SLIT3: variants seen among roughly 807,000 people sequenced by gnomAD.
The protein encoded by SLIT3 is slit guidance ligand 3.
A neutral mutation model predicts 184.0 loss-of-function variants in SLIT3; 68 were observed. The observed-to-expected ratio is 0.37, with a 90% CI of 0.30 to 0.45. The LOEUF (loss-of-function observed/expected upper bound fraction) is 0.45. SLIT3 is among the 20% of genes least tolerant of loss of function. SLIT3 has a pLI of 1.00. For synonymous variants in SLIT3, 831 were observed against 828.6 expected, an observed-to-expected ratio of 1.00 and a Z score of -0.05; for missense variants, 1,707 against 2,026.0, an observed-to-expected ratio of 0.84 and a Z score of 3.02.
chr5:168,767,354 G>T (rs1465317608), intron 14 of SLIT3, among the ~76,000 whole-genome samples: 1 of 152,138 alleles, frequency 6.6e-6, no homozygotes, highest in African/African-American at 2.4e-5. Context: ...GAACAACACA[G>T]TCTTCTGGTT....
intron 4 of SLIT3, among the ~76,000 whole-genome samples, chr5:169,159,503 C>T (rs558759357): frequency 1.4e-4 from 21 of 149,314 alleles, no homozygotes; most frequent in East Asian, 6.1e-4. Context: ...AGGCCAGGCG[C>T]GGTAGCTCAC....
chr5:169,065,355 G>C (rs1417067538), intron 4 of SLIT3, among the ~76,000 whole-genome samples: 3 of 152,178 alleles, frequency 2.0e-5, no homozygotes, highest in African/African-American at 7.2e-5. Context: ...TTCCCCATTT[G>C]ATGCCAAATG....
In SLIT3 at chr5:169,118,198, AT is replaced by A. The variant is rs560997524; in HGVS notation, c.413+75280del. Among the ~76,000 whole-genome samples the A allele has an allele frequency of 3.9e-3, 594 of 152,320 alleles. 2 individuals are homozygous for A. Among genetic ancestry groups the A allele is most frequent in the African/African-American group, 0.013 (539 of 41,572 alleles). ...GTCTCTAAAGAAATTTGTTTAAATG[AT>A]TTTTTGAAATGTGCACATTTGCAAT... On this transcript the variant is annotated intron_variant, in intron 4 of 35. Transcript: ENST00000519560.
At chr5:168,701,368 T>G (rs1470389456) in intron 26 of SLIT3, among the ~76,000 whole-genome samples, 1 of 152,094 alleles carries the variant, frequency 6.6e-6, no homozygotes, top group African/African-American at 2.4e-5. Context: ...CAGGCTTTGG[T>G]ATTCTAAAGT....
chr5:168,698,613 A>G (rs757905689), intron 27 of SLIT3, among the ~76,000 whole-genome samples: 4 of 152,100 alleles, frequency 2.6e-5, no homozygotes, highest in Admixed American at 6.5e-5. Context: ...GATTACAGCC[A>G]CCCAGTCTGT....
chr5:169,241,442 G>A (rs1765402934), intron 3 of SLIT3, among the ~76,000 whole-genome samples: 2 of 152,070 alleles, frequency 1.3e-5, no homozygotes, highest in Admixed American at 1.3e-4. Flanking sequence ...ATTCTTTGTT[G>A]TAGGGCCGTC....
At chr5:168,954,538 T>C (rs1252189142) in intron 4 of SLIT3, among the ~76,000 whole-genome samples, 1 of 152,198 alleles carries the variant, frequency 6.6e-6, no homozygotes, top group African/African-American at 2.4e-5. Flanking sequence ...ATCCTGGAGA[T>C]AATCTATCCA....
chr5:168,935,143 A>G (rs1267824195), intron 4 of SLIT3, among the ~76,000 whole-genome samples: 1 of 150,022 alleles, frequency 6.7e-6, no homozygotes, highest in Non-Finnish European at 1.5e-5. Flanking sequence ...GTCTCAAAAA[A>G]AAAAAACAAA....
intron 16 of SLIT3, among the ~76,000 whole-genome samples, chr5:168,759,849 T>G (rs1477939901): frequency 6.6e-6 from 1 of 152,130 alleles, no homozygotes; most frequent in Non-Finnish European, 1.5e-5. Flanking sequence ...GAGGCACACC[T>G]GAACTCTGGG....
intron 2 of SLIT3, among the ~76,000 whole-genome samples, chr5:169,248,841 A>C (rs796950028): frequency 6.6e-6 from 1 of 152,186 alleles, no homozygotes; most frequent in South Asian, 2.1e-4. Context: ...GGGAGAAAAA[A>C]AAATGTCCTG....
At chr5:168,860,382 G>A (rs1402876239) in intron 5 of SLIT3, among the ~76,000 whole-genome samples, 1 of 152,298 alleles carries the variant, frequency 6.6e-6, no homozygotes, top group Admixed American at 6.5e-5. Flanking sequence ...AGGGATGCTT[G>A]ACTCTTTCAT....
At chr5:169,078,929 T>C (rs2113149238) in intron 4 of SLIT3, among the ~76,000 whole-genome samples, 1 of 152,336 alleles carries the variant, frequency 6.6e-6, no homozygotes. Context: ...TAATTAGTTT[T>C]TTAAATGCCA....
chr5:168,809,776 A>C (rs1424930897), intron 8 of SLIT3, among the ~76,000 whole-genome samples: 1 of 152,216 alleles, frequency 6.6e-6, no homozygotes, highest in African/African-American at 2.4e-5. Context: ...CTCGCCCAGA[A>C]GCCTGGCACA....
At chr5:169,253,166 A>T (rs1011198918) in intron 1 of SLIT3, among the ~76,000 whole-genome samples, 1 of 152,012 alleles carries the variant, frequency 6.6e-6, no homozygotes, top group African/African-American at 2.4e-5. Context: ...GCAGACAGAA[A>T]TCTGTACACA....
chr5:168,670,116 T>G, intron 34 of SLIT3, 125 bp from the exon 35 acceptor site: 1 of 755,712 alleles, frequency 1.3e-6, no homozygotes, highest in Non-Finnish European at 2.2e-6. Flanking sequence ...GCTTTCTCTG[T>G]TTCCTAGGCT....
chr5:169,078,941 A>G (rs941036430), intron 4 of SLIT3, among the ~76,000 whole-genome samples: 1 of 152,234 alleles, frequency 6.6e-6, no homozygotes, highest in African/African-American at 2.4e-5. Context: ...TAAATGCCAT[A>G]GTTCAAACTC....
intron 33 of SLIT3, among the ~76,000 whole-genome samples, chr5:168,672,369 G>C (rs1310774168): frequency 6.6e-6 from 1 of 152,210 alleles, no homozygotes; most frequent in African/African-American, 2.4e-5. Context: ...TCTTAGGATT[G>C]AACGAGCAGT....
chr5:169,276,118 C>A (rs565528232), intron 1 of SLIT3, among the ~76,000 whole-genome samples: 7 of 152,110 alleles, frequency 4.6e-5, no homozygotes, highest in Non-Finnish European at 1.0e-4. Flanking sequence ...GAACGCTACA[C>A]GAAATTCACA....
At chr5:168,750,860 G>A (rs893186590) in intron 18 of SLIT3, among the ~76,000 whole-genome samples, 20 of 151,986 alleles carry the variant, frequency 1.3e-4, no homozygotes, top group African/African-American at 4.4e-4. Context: ...CCTGTCCTTC[G>A]GGATCTTATA....
Sources: gnomAD v4.1 joint callset for allele counts (sites outside exome capture counted in the v4.1 genomes callset) on GRCh38, gnomAD v4.1.1 for gene constraint, MANE v1.5 for transcripts, NCBI Gene and HGNC (gene_info 2026-07-23, HGNC 2026-07-21) for gene names.